The following LDHC variants were observed in gnomAD, a reference collection of about 807,000 sequenced individuals.
LDHC encodes L-lactate dehydrogenase C chain.
In LDHC, 20 loss-of-function variants were observed where a neutral mutation model predicts 30.2. The ratio of observed to expected loss-of-function variants is 0.66; its 90% CI spans 0.47 to 0.96. The LOEUF (loss-of-function observed/expected upper bound fraction) is 0.96. LDHC is among the 40% of genes least tolerant of loss of function. The pLI is 0.00. For synonymous variants in LDHC, 139 were observed against 132.7 expected, an observed-to-expected ratio of 1.05 and a Z score of -0.32; for missense variants, 362 against 394.9, an observed-to-expected ratio of 0.92 and a Z score of 0.71.
At chr11:18,423,209 C>A (rs145392120) in intron 3 of LDHC, among the ~76,000 whole-genome samples, 1 of 152,016 alleles carries the variant, frequency 6.6e-6, no homozygotes, top group Non-Finnish European at 1.5e-5. Flanking sequence ...ACCTGTAGTC[C>A]CAGCTACTCA....
intron 7 of LDHC, among the ~76,000 whole-genome samples, chr11:18,447,512 A>G (rs1274585283): frequency 6.6e-6 from 1 of 152,136 alleles, no homozygotes; most frequent in Non-Finnish European, 1.5e-5. Context: ...TTCATAAGTG[A>G]AAAAAGTCTA....
chr11:18,438,730 T>C (rs2133839691), intron 6 of LDHC, 85 bp downstream of exon 6: 1 of 675,682 alleles, frequency 1.5e-6, no homozygotes, highest in Non-Finnish European at 2.6e-6. Context: ...TAGTTGATCC[T>C]TGCTTTTTGT....
chr11:18,426,559 G>A (rs1848165645), intron 3 of LDHC, among the ~76,000 whole-genome samples: 2 of 148,782 alleles, frequency 1.3e-5, no homozygotes, highest in South Asian at 4.2e-4. Flanking sequence ...TTTGTGGAAA[G>A]AAGGGAGTAA....
At position 18,451,144 on chromosome 11, in the gene LDHC, G is replaced by C. The variant is rs746458298; in HGVS notation, c.*17G>C. The C allele has an allele frequency of 2.1e-6, 3 of 1,429,190 alleles. No individual in the cohort carries two copies. The African/African-American group carries it at 4.5e-5, about 21-fold the overall frequency. 88.5% of individuals were successfully genotyped at this position (1,429,190 alleles called of 1,614,324 possible). On this transcript the variant is annotated 3_prime_UTR_variant, in exon 8 of 8. Coordinates refer to ENST00000541669, the MANE Select transcript of LDHC (RefSeq NM_017448.5). ...ATATTTTAAATTAAAGCCTTCTAAT[G>C]TTCCACTGTTTGGAGAACAGAAGAT...
chr11:18,444,648 A>G lies in LDHC; in HGVS notation c.711-1562A>G, dbSNP rs953076078. On this transcript the variant is annotated intron_variant, in intron 6 of 7. Transcript: ENST00000541669. Reference sequence around the variant, plus strand: ...TATATATATATATATATATATATATATGCCTTATCTTGGCAACCAAGTGTG... The same window carrying G: ...TATATATATATATATATATATATATGTGCCTTATCTTGGCAACCAAGTGTG... Among the ~76,000 whole-genome samples, 6 of 123,746 alleles carry G rather than the reference A, an allele frequency of 4.8e-5. No individual in the cohort carries two copies. In the South Asian group the frequency reaches 1.3e-3, roughly 26 times the overall value. The allele number at this position is 123,746 out of a possible 152,430, so 81.2% of individuals were successfully genotyped here.
rs913424063 is a variant in LDHC, at chr11:18,422,844, G to A, written c.245-6893G>A. On this transcript the variant is annotated intron_variant, in intron 3 of 7. Transcript: ENST00000541669. ...CCAAAAATACAAAAATTAGCTGGGCGTGTTGATGGGTGCCTGAGTCCCAGC... is the reference window on the plus strand; with the variant it reads ...CCAAAAATACAAAAATTAGCTGGGCATGTTGATGGGTGCCTGAGTCCCAGC... Among the ~76,000 whole-genome samples, 11 of 151,556 alleles carry A rather than the reference G, an allele frequency of 7.3e-5. No homozygotes were observed. In the East Asian group the frequency reaches 1.5e-3, roughly 21 times the overall value.
At chr11:18,429,181 T>C (rs1217864873) in intron 3 of LDHC, among the ~76,000 whole-genome samples, 5 of 148,456 alleles carry the variant, frequency 3.4e-5, no homozygotes, top group African/African-American at 1.2e-4. Context: ...GGCGCGATCT[T>C]TGCTCACTTC....
chr11:18,433,862 T>C (rs982438663), intron 4 of LDHC, among the ~76,000 whole-genome samples: 6 of 152,218 alleles, frequency 3.9e-5, no homozygotes, highest in Admixed American at 1.3e-4. Context: ...GGCCGGGGAA[T>C]TTTTCCTTGA....
intron 5 of LDHC, 43 bp from the exon 6 acceptor site, chr11:18,438,485 C>A (rs2133839345): frequency 1.6e-6 from 2 of 1,245,664 alleles, no homozygotes; most frequent in South Asian, 2.5e-5. Flanking sequence ...CTCCTGATGC[C>A]ATATTGGGAA....
intron 7 of LDHC, among the ~76,000 whole-genome samples, chr11:18,448,591 T>G (rs1160768137): frequency 6.6e-6 from 1 of 152,124 alleles, no homozygotes; most frequent in Non-Finnish European, 1.5e-5. Flanking sequence ...CTGAGTTATA[T>G]TTTATAGGGA....
At chr11:18,412,498 G>T in intron 1 of LDHC, 90 bp downstream of exon 1, 1 of 481,400 alleles carries the variant, frequency 2.1e-6, no homozygotes, top group East Asian at 3.9e-5. Flanking sequence ...GTGGTGGCTG[G>T]GGGCAGGGAG....
At chr11:18,439,825 A>AAAAC (rs1848429041) in intron 6 of LDHC, among the ~76,000 whole-genome samples, 1 of 144,482 alleles carries the variant, frequency 6.9e-6, no homozygotes, top group Admixed American at 7.1e-5. Context: ...AAAAAAAAAA[A>AAAAC]AAAAAAAAAA....
chr11:18,430,019 G>T (rs964961914), intron 4 of LDHC, 109 bp downstream of exon 4: 1 of 657,000 alleles, frequency 1.5e-6, no homozygotes, highest in Non-Finnish European at 2.6e-6. Context: ...AATTGCACTC[G>T]TTTAAAGTAT....
intron 5 of LDHC, among the ~76,000 whole-genome samples, chr11:18,438,169 C>T (rs915729665): frequency 6.6e-6 from 1 of 152,064 alleles, no homozygotes; most frequent in Non-Finnish European, 1.5e-5. Flanking sequence ...TTGATGAGGA[C>T]CTCAGGAAGC....
chr11:18,433,249 G>T (rs1590230241), intron 4 of LDHC, among the ~76,000 whole-genome samples: 1 of 151,946 alleles, frequency 6.6e-6, no homozygotes, highest in Non-Finnish European at 1.5e-5. Flanking sequence ...AGCTGGGCAT[G>T]GTCGTGGGCA....
intron 4 of LDHC, among the ~76,000 whole-genome samples, chr11:18,431,287 C>A (rs1039832804): frequency 1.3e-5 from 2 of 151,924 alleles, no homozygotes; most frequent in African/African-American, 4.8e-5. Flanking sequence ...GTAGTGAAAC[C>A]CCATCTCTAC....
intron 3 of LDHC, among the ~76,000 whole-genome samples, chr11:18,421,706 G>A (rs185206989): frequency 1.2e-4 from 18 of 151,610 alleles, no homozygotes; most frequent in African/African-American, 4.1e-4. Context: ...ATGGGATCTC[G>A]CTATGTTGCC....
At chr11:18,441,446 C>T (rs904566861) in intron 6 of LDHC, among the ~76,000 whole-genome samples, 2 of 151,736 alleles carry the variant, frequency 1.3e-5, no homozygotes, top group South Asian at 2.1e-4. Flanking sequence ...GTAGCTGGGA[C>T]TACAAGCACG....
At chr11:18,415,949 C>G (rs1182426021) in intron 3 of LDHC, among the ~76,000 whole-genome samples, 1 of 152,178 alleles carries the variant, frequency 6.6e-6, no homozygotes, top group Non-Finnish European at 1.5e-5. Context: ...CTTGCCTCGG[C>G]CTTCCAAAGT....
Sources: gnomAD v4.1 joint callset for allele counts (sites outside exome capture counted in the v4.1 genomes callset) on GRCh38, gnomAD v4.1.1 for gene constraint, MANE v1.5 for transcripts, NCBI Gene and HGNC (gene_info 2026-07-23, HGNC 2026-07-21) for gene names.